Variants in MLIP observed in about 807,000 individuals in gnomAD.
The protein encoded by MLIP is muscular LMNA interacting protein, also known as muscular LMNA-interacting protein.
MLIP carries 79 observed loss-of-function variants against 84.8 expected under a neutral mutation model. That is an observed-to-expected ratio of 0.93 (90% CI 0.78 to 1.12). The LOEUF is 1.12. Ranked by LOEUF, MLIP falls within the 50% of genes most tolerant of loss-of-function variation. The probability of loss-of-function intolerance (pLI) is 0.00; values close to 1 mark genes in which losing one functional copy is unlikely to be tolerated. For missense variants in MLIP, 1,257 were observed against 1,160.6 expected (o/e 1.08, Z -1.21); for synonymous variants, 504 against 463.0 (o/e 1.09, Z -1.14).
chr6:54,022,968 C>G (rs978624769), intron 1 of MLIP, among the ~76,000 whole-genome samples: 3 of 151,898 alleles, frequency 2.0e-5, no homozygotes, highest in African/African-American at 7.3e-5. Flanking sequence ...GAGATCCAGA[C>G]TATCCTGGCT....
At chr6:54,239,174 C>A (rs1781557283) in intron 12 of MLIP, among the ~76,000 whole-genome samples, 1 of 151,838 alleles carries the variant, frequency 6.6e-6, no homozygotes, top group Non-Finnish European at 1.5e-5. Flanking sequence ...GACTATTCAT[C>A]TCCTACCTCT....
intron 10 of MLIP, among the ~76,000 whole-genome samples, chr6:54,197,431 C>G (rs964113015): frequency 2.0e-5 from 3 of 152,042 alleles, no homozygotes. Context: ...GGCAAAATGT[C>G]TCCAGTGAAC....
chr6:54,118,553 A>G (rs1183731332), intron 1 of MLIP, among the ~76,000 whole-genome samples: 1 of 152,362 alleles, frequency 6.6e-6, no homozygotes, highest in South Asian at 2.1e-4. Context: ...ACCAGAAACT[A>G]TGAAACTGCT....
intron 3 of MLIP, among the ~76,000 whole-genome samples, chr6:54,130,506 G>A (rs535124713): frequency 2.0e-5 from 3 of 152,194 alleles, no homozygotes; most frequent in South Asian, 2.1e-4. Context: ...CTATGTTTCC[G>A]CTTCTGCATC....
intron 9 of MLIP, among the ~76,000 whole-genome samples, chr6:54,171,756 A>G (rs993582749): frequency 4.6e-5 from 7 of 151,534 alleles, no homozygotes; most frequent in Admixed American, 2.6e-4. Flanking sequence ...ATTCATATTG[A>G]CTGAGCTATG....
At chr6:54,044,766 A>G (rs2150307656) in intron 1 of MLIP, among the ~76,000 whole-genome samples, 1 of 152,230 alleles carries the variant, frequency 6.6e-6, no homozygotes, top group African/African-American at 2.4e-5. Flanking sequence ...TTAATGCCAC[A>G]TATATTGGAA....
At chr6:54,232,784 G>A (rs1443486083) in intron 12 of MLIP, among the ~76,000 whole-genome samples, 2 of 152,110 alleles carry the variant, frequency 1.3e-5, no homozygotes, top group African/African-American at 4.8e-5. Context: ...TGATTCCCAA[G>A]TCTGACCTTA....
At chr6:54,252,966 A>C (rs1056562763) in intron 12 of MLIP, among the ~76,000 whole-genome samples, 2 of 152,134 alleles carry the variant, frequency 1.3e-5, no homozygotes, top group East Asian at 3.8e-4. Flanking sequence ...TCACTAACTC[A>C]GAATTCTTTA....
rs1779936142 is a variant in MLIP at position 54,217,550 on chromosome 6, A to G, written c.2719-13164A>G. ...GCTAATTTTTCTTTAATGAACAAAGATATTACTTGCTTCATAAGTTCCTGT... is the reference window on the plus strand; with the variant it reads ...GCTAATTTTTCTTTAATGAACAAAGGTATTACTTGCTTCATAAGTTCCTGT... On this transcript the variant is annotated intron_variant, in intron 11 of 13. Transcript: ENST00000502396. The G allele has an allele frequency of 1.4e-5, 14 of 984,484 alleles. No individual in the cohort carries two copies. In the South Asian group the frequency reaches 6.6e-4, roughly 46 times the overall value. 61.0% of individuals were successfully genotyped at this position (984,484 alleles called of 1,614,324 possible).
At chr6:54,265,883 A>G in intron 13 of MLIP, 67 bp from the exon 14 acceptor site, 3 of 1,444,970 alleles carry the variant, frequency 2.1e-6, no homozygotes, top group Non-Finnish European at 2.9e-6. Context: ...ATTAATGTAT[A>G]ATTTTCAGGT....
At chr6:54,211,136 A>G (rs1444722159) in intron 11 of MLIP, among the ~76,000 whole-genome samples, 1 of 152,138 alleles carries the variant, frequency 6.6e-6, no homozygotes, top group African/African-American at 2.4e-5. Flanking sequence ...GCTACTCAGG[A>G]GTCTGAGGCA....
In MLIP at chr6:54,160,554, G is replaced by C. The variant is rs776788683; in HGVS notation, c.2394G>C (p.Glu798Asp). Residue 798 changes from glutamate (E) to aspartate (D), a missense_variant, in exon 7 of 14, where the codon GAG becomes GAC. Transcript: ENST00000502396. ...CACAGCTCAGGCAGCAAACTGAAGA[G>C]CTCTGTGCTACCATTGATAAGGTCT... ...FPAQLRQQTE[E>D]LCATIDKVLQ... The C allele has an allele frequency of 1.9e-6, 3 of 1,612,580 alleles. No homozygotes were observed. The highest frequency in any genetic ancestry group is 2.5e-6 in the Non-Finnish European group (3 of 1,179,166).
chr6:54,176,049 A>G (rs1776252313), intron 9 of MLIP, among the ~76,000 whole-genome samples: 1 of 152,040 alleles, frequency 6.6e-6, no homozygotes, highest in South Asian at 2.1e-4. Context: ...TGCATATGTT[A>G]AACCATCATT....
At chr6:54,023,715 G>A (rs569161106) in intron 1 of MLIP, among the ~76,000 whole-genome samples, 25 of 151,528 alleles carry the variant, frequency 1.6e-4, no homozygotes, top group Admixed American at 3.9e-4. Context: ...GACTACAGGC[G>A]TGCACCACCA....
intron 6 of MLIP, 28 bp from the exon 7 acceptor site, chr6:54,160,488 A>G: frequency 6.2e-7 from 1 of 1,611,620 alleles, no homozygotes; most frequent in Non-Finnish European, 8.5e-7. Context: ...CTTATTGCTA[A>G]CCCAGTACCT....
chr6:54,224,291 A>G (rs1486674355), intron 11 of MLIP, among the ~76,000 whole-genome samples: 1 of 152,014 alleles, frequency 6.6e-6, no homozygotes, highest in Non-Finnish European at 1.5e-5. Flanking sequence ...AGGACACAAA[A>G]TACGACACTG....
At chr6:54,071,172 TATA>T (rs929239055) in intron 1 of MLIP, among the ~76,000 whole-genome samples, 1 of 152,078 alleles carries the variant, frequency 6.6e-6, no homozygotes, top group Non-Finnish European at 1.5e-5. Flanking sequence ...ATAATAAATT[TATA>T]ATAATAAAAT....
intron 1 of MLIP, among the ~76,000 whole-genome samples, chr6:54,068,263 A>G (rs1297476632): frequency 2.1e-5 from 2 of 96,114 alleles, no homozygotes; most frequent in Non-Finnish European, 6.0e-5. Context: ...CAGCCTCCTG[A>G]GTAGCTGGGA....
At chr6:54,244,726 G>T (rs574592395) in intron 12 of MLIP, among the ~76,000 whole-genome samples, 1 of 152,252 alleles carries the variant, frequency 6.6e-6, no homozygotes, top group South Asian at 2.1e-4. Context: ...TCATAAAACA[G>T]TTGGCTTTTA....
Sources: allele counts gnomAD v4.1 joint callset (sites outside exome capture counted in the v4.1 genomes callset), GRCh38; gene constraint gnomAD v4.1.1; transcripts MANE v1.5; gene names NCBI Gene and HGNC (gene_info 2026-07-23, HGNC 2026-07-21).